Variants in TMEM178B observed in about 807,000 individuals in gnomAD.
The protein encoded by TMEM178B is transmembrane protein 178B.
Under a neutral mutation model 31.0 loss-of-function variants are expected in TMEM178B, and 5 were observed. That is an observed-to-expected ratio of 0.16 (90% CI 0.08 to 0.34). The LOEUF (loss-of-function observed/expected upper bound fraction) is 0.34. Ranked by LOEUF, TMEM178B falls within the 10% of genes least tolerant of loss-of-function variation. The probability of loss-of-function intolerance (pLI) is 1.00; values close to 1 mark genes in which losing one functional copy is unlikely to be tolerated. For missense variants in TMEM178B, 275 were observed against 400.3 expected, an observed-to-expected ratio of 0.69 and a Z score of 2.67; for synonymous variants, 164 against 164.0, an observed-to-expected ratio of 1.00 and a Z score of 0.00.
rs575025612 is a variant in TMEM178B at position 141,136,351 on chromosome 7, A to G, written c.382+61659A>G. 2.0e-5 allele frequency among the ~76,000 whole-genome samples: 3 copies of G among 152,320 alleles called. No homozygotes were observed. In the South Asian group the frequency reaches 6.2e-4, roughly 32 times the overall value. On this transcript the variant is annotated intron_variant, in intron 1 of 3. Transcript: ENST00000565468. ...TGCAGAAGAATGAAACTGGACCCCT[A>G]TGTCTCACCATATACAAAAATCAAT...
intron 2 of TMEM178B, among the ~76,000 whole-genome samples, chr7:141,216,984 C>T (rs538737339): frequency 6.6e-6 from 1 of 152,264 alleles, no homozygotes; most frequent in Non-Finnish European, 1.5e-5. Context: ...GAGGAGGGGA[C>T]AGGCAGCTGC....
the TMEM178B span, among the ~76,000 whole-genome samples, chr7:141,491,194 A>G: frequency 6.6e-6 from 1 of 151,746 alleles, no homozygotes; most frequent in African/African-American, 2.4e-5. Context: ...TGCTTGGATC[A>G]TTTTTGTTTT....
At chr7:141,275,220 A>G (rs957237184) in intron 2 of TMEM178B, among the ~76,000 whole-genome samples, 1 of 152,130 alleles carries the variant, frequency 6.6e-6, no homozygotes, top group Non-Finnish European at 1.5e-5. Context: ...AACAACAACA[A>G]CAAAAGTTCC....
At position 141,479,231 on chromosome 7, in the gene TMEM178B, C is replaced by T. The variant is rs1175480562; in HGVS notation, c.*8445C>T. 6.6e-6 allele frequency: 1 copy of T among 152,278 alleles called. No homozygotes were observed. Among genetic ancestry groups the T allele is most frequent in the Non-Finnish European group, 1.5e-5 (1 of 68,064 alleles). The allele number at this position is 152,278 out of a possible 1,614,324, so 9.4% of individuals were successfully genotyped here. ...TCTCTGTCAAGAACAAAGATCTCTA[C>T]AACATTTCGTCACCTGGGCCAGTCA... is the stretch of plus-strand genomic sequence containing the variant. On this transcript the variant is annotated 3_prime_UTR_variant, in exon 4 of 4. Transcript: ENST00000565468.
At chr7:141,289,721 A>T (rs1798510971) in intron 2 of TMEM178B, among the ~76,000 whole-genome samples, 2 of 151,312 alleles carry the variant, frequency 1.3e-5, no homozygotes, top group South Asian at 4.2e-4. Context: ...TCTCAAAAAA[A>T]AAAAAAAAAA....
chr7:141,089,316 T>C (rs954375958), intron 1 of TMEM178B, among the ~76,000 whole-genome samples: 1 of 151,934 alleles, frequency 6.6e-6, no homozygotes, highest in Non-Finnish European at 1.5e-5. Context: ...GACTTGGAGG[T>C]AGGGGGCCGA....
At chr7:141,221,080 G>A (rs768502991) in intron 2 of TMEM178B, among the ~76,000 whole-genome samples, 48 of 152,230 alleles carry the variant, frequency 3.2e-4, no homozygotes, top group East Asian at 9.6e-4. Flanking sequence ...AATCAGCAAG[G>A]ATTCATTGCA....
chr7:141,394,090 G>A (rs1253070278), intron 2 of TMEM178B, among the ~76,000 whole-genome samples: 1 of 151,960 alleles, frequency 6.6e-6, no homozygotes, highest in African/African-American at 2.4e-5. Flanking sequence ...GTGCAGTTGG[G>A]TTTCTTGAGG....
At chr7:141,225,569 AAAT>A (rs1797328708) in intron 2 of TMEM178B, among the ~76,000 whole-genome samples, 1 of 152,162 alleles carries the variant, frequency 6.6e-6, no homozygotes, top group Admixed American at 6.5e-5. Flanking sequence ...TCTGAATTCT[AAAT>A]AATTGCCTCA....
At chr7:141,329,937 G>A (rs1462640366) in intron 2 of TMEM178B, among the ~76,000 whole-genome samples, 1 of 152,158 alleles carries the variant, frequency 6.6e-6, no homozygotes, top group African/African-American at 2.4e-5. Flanking sequence ...CGAACGTGGT[G>A]GACACAGAAT....
chr7:141,305,642 C>G (rs1305875880), intron 2 of TMEM178B, among the ~76,000 whole-genome samples: 1 of 151,974 alleles, frequency 6.6e-6, no homozygotes, highest in African/African-American at 2.4e-5. Flanking sequence ...ACCATGTTGG[C>G]CAGGCTGGTC....
At chr7:141,124,366 A>T (rs143331241) in intron 1 of TMEM178B, among the ~76,000 whole-genome samples, 75 of 149,072 alleles carry the variant, frequency 5.0e-4, no homozygotes, top group Non-Finnish European at 8.2e-4. Flanking sequence ...GACTCTGACT[A>T]AAAAAAAAAT....
chr7:141,485,067 G>C (rs369586488), downstream of TMEM178B, among the ~76,000 whole-genome samples: 11 of 152,284 alleles, frequency 7.2e-5, no homozygotes, highest in East Asian at 1.5e-3. Flanking sequence ...GGGAAGCATT[G>C]ATTCTATAGT....
chr7:141,366,475 C>T (rs1800006928), intron 2 of TMEM178B, among the ~76,000 whole-genome samples: 1 of 152,142 alleles, frequency 6.6e-6, no homozygotes, highest in Non-Finnish European at 1.5e-5. Context: ...TTTAAGGCCT[C>T]TTTGTTTCTG....
At chr7:141,424,700 C>G (rs180952490) in intron 2 of TMEM178B, among the ~76,000 whole-genome samples, 2 of 152,292 alleles carry the variant, frequency 1.3e-5, no homozygotes, top group African/African-American at 4.8e-5. Context: ...ATTTGGTGTA[C>G]TTTTCCTTTG....
intron 2 of TMEM178B, among the ~76,000 whole-genome samples, chr7:141,250,212 C>G (rs2116335897): frequency 6.6e-6 from 1 of 152,294 alleles, no homozygotes; most frequent in Non-Finnish European, 1.5e-5. Flanking sequence ...AACTCAGTCT[C>G]AGAGAGTAAC....
rs1036013622 is a variant in TMEM178B at position 141,460,216 on chromosome 7, A to G, written c.635-10320A>G. On this transcript the variant is annotated intron_variant, in intron 3 of 3. Coordinates refer to ENST00000565468, the MANE Select transcript of TMEM178B (RefSeq NM_001195278.2). ...TTACAGTTCCGGAATCCAGAAGTCC[A>G]ATCTCAAGGTGCCAACAGGGTTGTT... Among the ~76,000 whole-genome samples the G allele has an allele frequency of 8.5e-5, 13 of 152,272 alleles. 1 individual carries two copies. Among genetic ancestry groups the G allele is most frequent in the Admixed American group, 7.2e-4 (11 of 15,292 alleles).
rs1247116866 is a variant in TMEM178B at position 141,318,600 on chromosome 7, G to A, written c.496+105896G>A. On this transcript the variant is annotated intron_variant, in intron 2 of 3. Coordinates refer to ENST00000565468, the MANE Select transcript of TMEM178B (RefSeq NM_001195278.2). This position sits in a 1 kb window ranked among gnomAD's most constrained non-coding sequence, Gnocchi z 4.1. ...TTCCTCATCTCTTCAAACCCGTGCTGTGTTGCCCAGTTGTTTGATAGCTAA... is the reference window on the plus strand; with the variant it reads ...TTCCTCATCTCTTCAAACCCGTGCTATGTTGCCCAGTTGTTTGATAGCTAA... Among the ~76,000 whole-genome samples, 2 of 152,182 alleles carry A rather than the reference G, an allele frequency of 1.3e-5. No individual in the cohort carries two copies. The highest frequency in any genetic ancestry group is 2.9e-5 in the Non-Finnish European group (2 of 68,026).
chr7:141,362,004 G>A (rs1327951372), intron 2 of TMEM178B, among the ~76,000 whole-genome samples: 2 of 152,210 alleles, frequency 1.3e-5, no homozygotes, highest in Non-Finnish European at 2.9e-5. Context: ...TGATAAGGTT[G>A]ATTTTTCTTA....
Sources: gnomAD v4.1 joint callset for allele counts (sites outside exome capture counted in the v4.1 genomes callset) on GRCh38, gnomAD v4.1.1 for gene constraint, Gnocchi (gnomAD v3.1) non-coding constraint, MANE v1.5 for transcripts, NCBI Gene and HGNC (gene_info 2026-07-23, HGNC 2026-07-21) for gene names.